Variants in MTUS2 observed in about 807,000 individuals in gnomAD.
MTUS2 encodes microtubule-associated tumor suppressor candidate 2.
A neutral mutation model predicts 114.1 loss-of-function variants in MTUS2; 40 were observed. That is an observed-to-expected ratio of 0.35 (90% CI 0.27 to 0.46). The LOEUF is 0.46. Ranked by LOEUF, MTUS2 falls within the 20% of genes least tolerant of loss-of-function variation. The pLI is 1.00. For missense variants in MTUS2, 1,679 were observed against 1,705.4 expected (o/e 0.98, Z 0.27); for synonymous variants, 688 against 672.0 (o/e 1.02, Z -0.37).
At chr13:29,442,461 A>G (rs1247967475) in intron 9 of MTUS2, among the ~76,000 whole-genome samples, 2 of 152,196 alleles carry the variant, frequency 1.3e-5, no homozygotes, top group Non-Finnish European at 2.9e-5. Flanking sequence ...AGACCTTGGC[A>G]TCTGATTGGA....
intron 8 of MTUS2, among the ~76,000 whole-genome samples, chr13:29,439,258 G>A (rs565694881): frequency 1.3e-5 from 2 of 152,268 alleles, no homozygotes; most frequent in Admixed American, 6.5e-5. Flanking sequence ...CAATAACGCA[G>A]ATTACAAATT....
At chr13:29,416,052 A>G (rs1875633568) in intron 8 of MTUS2, among the ~76,000 whole-genome samples, 1 of 148,274 alleles carries the variant, frequency 6.7e-6, no homozygotes, top group African/African-American at 2.5e-5. Context: ...AGTAGCTGGG[A>G]TTACAGGCAC....
intron 7 of MTUS2, among the ~76,000 whole-genome samples, chr13:29,335,698 A>G (rs1336626768): frequency 6.6e-6 from 1 of 152,158 alleles, no homozygotes; most frequent in Non-Finnish European, 1.5e-5. Flanking sequence ...AAAAGAACAT[A>G]TGTGAATTAT....
At chr13:29,238,370 G>T (rs1313489976) in intron 5 of MTUS2, among the ~76,000 whole-genome samples, 2 of 152,170 alleles carry the variant, frequency 1.3e-5, no homozygotes, top group African/African-American at 4.8e-5. Flanking sequence ...CTCACAATAG[G>T]CTGTCTGCAA....
Position 29,503,201 on chromosome 13 carries a change from A to G in MTUS2, c.4105A>G (p.Arg1369Gly). 6.2e-7 allele frequency: 1 copy of G among 1,613,724 alleles called. No homozygotes were observed. The highest frequency in any genetic ancestry group is 8.5e-7 in the Non-Finnish European group (1 of 1,180,028). ...TCCGGCCAGAGTCAGCACAACACCC[A>G]GATGACGCCACTACACGGCCTGCGG... ...SSPARVSTTPR is the reference protein window; with the variant it reads ...SSPARVSTTPG Residue 1369 changes from arginine (R) to glycine (G), a missense_variant, in exon 16 of 16, where the codon AGA (arginine) becomes GGA (glycine). Arg to Gly is a moderately radical substitution (Grantham distance 125, BLOSUM62 -2). This residue lies in a region of MTUS2 where 822 missense variants were observed against 899.7 expected (regional missense o/e 0.91). Coordinates refer to ENST00000612955, the MANE Select transcript of MTUS2 (RefSeq NM_001033602.4).
At chr13:29,075,575 A>G (rs966281962) in intron 4 of MTUS2, among the ~76,000 whole-genome samples, 1 of 152,242 alleles carries the variant, frequency 6.6e-6, no homozygotes. Context: ...GATTCACTCC[A>G]TTAGATAAAA....
chr13:29,373,142 AGG>A (rs2138313105), intron 8 of MTUS2, among the ~76,000 whole-genome samples: 1 of 152,330 alleles, frequency 6.6e-6, no homozygotes, highest in Non-Finnish European at 1.5e-5. Context: ...GAAGTGGGAA[AGG>A]GAACTCCTAG....
intron 2 of MTUS2, among the ~76,000 whole-genome samples, chr13:28,995,580 C>T (rs958778169): frequency 3.8e-4 from 58 of 151,992 alleles, no homozygotes; most frequent in African/African-American, 1.4e-3. Flanking sequence ...TTTCATTGAG[C>T]AGTGGTTTGT....
chr13:29,501,314 C>A, intron 15 of MTUS2, 120 bp downstream of exon 15: 1 of 745,310 alleles, frequency 1.3e-6, no homozygotes, highest in Non-Finnish European at 2.3e-6. Context: ...GCTGTTTTCC[C>A]CAAGACCTGA....
intron 5 of MTUS2, among the ~76,000 whole-genome samples, chr13:29,144,163 C>T (rs1341033849): frequency 6.6e-6 from 1 of 152,170 alleles, no homozygotes; most frequent in African/African-American, 2.4e-5. Context: ...GGCTGTGAAA[C>T]TGCCAAATAA....
intron 2 of MTUS2, among the ~76,000 whole-genome samples, chr13:28,944,943 C>T (rs1438694913): frequency 1.3e-5 from 2 of 152,122 alleles, no homozygotes; most frequent in Non-Finnish European, 2.9e-5. Context: ...TACATTGAAC[C>T]TATTAAGTAA....
At position 29,025,953 on chromosome 13, in the gene MTUS2, G is replaced by A; in HGVS notation, c.1255G>A (p.Gly419Ser). The change falls in exon 3 of 16, where the codon GGT (glycine) becomes AGT (serine). Residue 419 changes from glycine (G) to serine (S), a missense_variant. Gly to Ser is a moderately conservative substitution (Grantham distance 56). Coordinates refer to ENST00000612955, the MANE Select transcript of MTUS2 (RefSeq NM_001033602.4). ...QPTGKISPCAGEKLGERTSSS... is the reference protein window; with the variant it reads ...QPTGKISPCASEKLGERTSSS... The stretch of plus-strand genomic sequence containing the variant: ...CACTGGCAAAATTTCACCATGTGCA[G>A]GTGAGAAGTTGGGTGAAAGGACATC... 2 of 1,614,022 alleles carry A rather than the reference G, an allele frequency of 1.2e-6. No homozygotes were observed. Among genetic ancestry groups the A allele is most frequent in the South Asian group, 1.1e-5 (1 of 91,084 alleles).
At chr13:29,073,505 C>T (rs1244766199) in intron 4 of MTUS2, among the ~76,000 whole-genome samples, 1 of 145,110 alleles carries the variant, frequency 6.9e-6, no homozygotes, top group Non-Finnish European at 1.5e-5. Context: ...GTTGTGTACA[C>T]ATGTGTAATG....
At chr13:28,927,296 G>A (rs1196227490) in intron 2 of MTUS2, among the ~76,000 whole-genome samples, 2 of 152,130 alleles carry the variant, frequency 1.3e-5, no homozygotes, top group African/African-American at 2.4e-5. Context: ...TATTTGCAGT[G>A]CTTTGGGGGT....
Position 29,440,158 on chromosome 13 carries a change from C to A in MTUS2, c.3184+109C>A, listed in dbSNP as rs1304110701. 8 of 1,054,376 alleles carry A rather than the reference C, an allele frequency of 7.6e-6. No homozygotes were observed. In the African/African-American group the frequency reaches 1.3e-4, roughly 17 times the overall value. The allele number at this position is 1,054,376 out of a possible 1,614,324, so 65.3% of individuals were successfully genotyped here. On this transcript the variant is annotated intron_variant, in intron 9 of 15. Transcript: ENST00000612955. ...CTGTAATAAGCCAGTGCAAACCTGC[C>A]TAGATGAATGAAGTATCTCACCCAG...
At chr13:28,907,117 A>G (rs1397100412) in intron 2 of MTUS2, among the ~76,000 whole-genome samples, 1 of 151,572 alleles carries the variant, frequency 6.6e-6, no homozygotes, top group Non-Finnish European at 1.5e-5. Context: ...TAAAGAAAAG[A>G]ATTTTCAACC....
chr13:29,492,805 C>T (rs963388109), intron 12 of MTUS2, 86 bp downstream of exon 12: 54 of 1,028,678 alleles, frequency 5.2e-5, no homozygotes, highest in Non-Finnish European at 7.6e-5. Flanking sequence ...TCAGCACCTA[C>T]TGTGTACTAA....
At chr13:28,949,774 A>T (rs1344639955) in intron 2 of MTUS2, among the ~76,000 whole-genome samples, 1 of 152,182 alleles carries the variant, frequency 6.6e-6, no homozygotes, top group East Asian at 1.9e-4. Context: ...CATGTTATAG[A>T]ATGTGCCAGG....
rs183495163 is a variant in MTUS2 at position 29,465,507 on chromosome 13, C to A, written c.3185-14643C>A. ...TAACGCATTTAACACCAGGTAATCG[C>A]GTAGGCTACCCTTAAAATTATAATC... On this transcript the variant is annotated intron_variant, in intron 9 of 15. Transcript: ENST00000612955. Among the ~76,000 whole-genome samples, 78 of 152,298 alleles carry A rather than the reference C, an allele frequency of 5.1e-4. 1 individual carries two copies. Among genetic ancestry groups the A allele is most frequent in the African/African-American group, 1.7e-3 (71 of 41,566 alleles).
Sources: gnomAD v4.1 joint callset for allele counts (sites outside exome capture counted in the v4.1 genomes callset) on GRCh38, gnomAD v4.1.1 for gene constraint, gnomAD v4.1.1 regional missense constraint, MANE v1.5 for transcripts, NCBI Gene and HGNC (gene_info 2026-07-23, HGNC 2026-07-21) for gene names.